The following GPM6A variants were observed in gnomAD, a reference collection of about 807,000 sequenced individuals.
GPM6A encodes the protein neuronal membrane glycoprotein M6-a.
GPM6A carries 7 observed loss-of-function variants against 32.1 expected under a neutral mutation model. That is an observed-to-expected ratio of 0.22 (90% CI 0.12 to 0.41). The LOEUF (loss-of-function observed/expected upper bound fraction) is 0.41. Among genes scored for constraint, GPM6A ranks in the 10% least tolerant of loss-of-function variants. The probability of loss-of-function intolerance (pLI) is 1.00; values close to 1 mark genes in which losing one functional copy is unlikely to be tolerated. For missense variants in GPM6A, 235 were observed against 347.2 expected (o/e 0.68, Z 2.57); for synonymous variants, 130 against 123.4 (o/e 1.05, Z -0.35).
intron 1 of GPM6A, among the ~76,000 whole-genome samples, chr4:175,928,735 T>C (rs569071278): frequency 6.6e-6 from 1 of 152,216 alleles, no homozygotes; most frequent in African/African-American, 2.4e-5. Flanking sequence ...GATTATAATA[T>C]GCAAAAGAGG....
chr4:175,989,881 A>C (rs897513230), intron 1 of GPM6A, among the ~76,000 whole-genome samples: 1 of 152,184 alleles, frequency 6.6e-6, no homozygotes, highest in Non-Finnish European at 1.5e-5. Flanking sequence ...TCTGTCATCT[A>C]TAAGAGTCAT....
chr4:175,960,537 G>A (rs1385089106), intron 1 of GPM6A, among the ~76,000 whole-genome samples: 2 of 152,098 alleles, frequency 1.3e-5, no homozygotes, highest in African/African-American at 4.8e-5. Flanking sequence ...AACCCATCAC[G>A]TAGGTATTAA....
intron 1 of GPM6A, among the ~76,000 whole-genome samples, chr4:175,916,241 C>T (rs1227737659): frequency 2.6e-5 from 4 of 152,134 alleles, no homozygotes; most frequent in African/African-American, 9.7e-5. Flanking sequence ...CAATATACAG[C>T]GGAGAGCTTG....
At position 175,659,700 on chromosome 4, in the gene GPM6A, T is replaced by G. The variant is rs150469636; in HGVS notation, c.388-7713A>C. 5.8e-4 allele frequency among the ~76,000 whole-genome samples: 89 copies of G among 152,294 alleles called. No homozygotes were observed. The East Asian group carries it at 0.013, about 23-fold the overall frequency. On this transcript the variant is annotated intron_variant, in intron 3 of 6. Transcript: ENST00000393658. ...GAGTTATTTTATTACCAGTTAAAATTAATAGAAATCAGAGCATGAGCTCTT... is the reference window on the plus strand; with the variant it reads ...GAGTTATTTTATTACCAGTTAAAATGAATAGAAATCAGAGCATGAGCTCTT...
At chr4:175,643,371 C>G (rs1741266629) in intron 4 of GPM6A, among the ~76,000 whole-genome samples, 1 of 152,156 alleles carries the variant, frequency 6.6e-6, no homozygotes, top group Non-Finnish European at 1.5e-5. Flanking sequence ...CGTGGGAACT[C>G]ATAGACTTCA....
intron 1 of GPM6A, among the ~76,000 whole-genome samples, chr4:175,732,461 G>A (rs1367881469): frequency 6.6e-6 from 1 of 151,954 alleles, no homozygotes; most frequent in Non-Finnish European, 1.5e-5. Context: ...GAGTATGTGT[G>A]TATATGGATG....
intron 1 of GPM6A, among the ~76,000 whole-genome samples, chr4:175,753,038 T>C (rs1376286796): frequency 6.6e-6 from 1 of 152,180 alleles, no homozygotes; most frequent in Non-Finnish European, 1.5e-5. Flanking sequence ...ATTTCCCATA[T>C]GGGACACAGA....
intron 1 of GPM6A, among the ~76,000 whole-genome samples, chr4:175,841,249 T>C (rs543464982): frequency 6.6e-6 from 1 of 152,292 alleles, no homozygotes; most frequent in South Asian, 2.1e-4. Flanking sequence ...TAATTAACAG[T>C]AATTTGAGAG....
At chr4:175,925,541 G>A (rs183024905) in intron 1 of GPM6A, among the ~76,000 whole-genome samples, 5 of 152,200 alleles carry the variant, frequency 3.3e-5, no homozygotes, top group East Asian at 1.9e-4. Context: ...AAACTGAAAC[G>A]TGATATAATG....
rs192910324 is a variant in GPM6A at position 175,750,444 on chromosome 4, C to T, written c.38-48677G>A. ...TAGGGGCCCAGACTTTAATGTGTAC[C>T]GGAGCACTCTTAGATTGAAAAGTAG... On this transcript the variant is annotated intron_variant, in intron 1 of 6. Coordinates refer to ENST00000393658, the MANE Select transcript of GPM6A (RefSeq NM_201591.3). 1.7e-3 allele frequency among the ~76,000 whole-genome samples: 256 copies of T among 152,046 alleles called. 1 individual carries two copies. The highest frequency in any genetic ancestry group is 6.0e-3 in the African/African-American group (249 of 41,434).
intron 1 of GPM6A, among the ~76,000 whole-genome samples, chr4:176,001,670 C>A (rs1055957183): frequency 6.6e-6 from 1 of 152,158 alleles, no homozygotes; most frequent in African/African-American, 2.4e-5. Context: ...TTTAATCACG[C>A]TGTTTACCCA....
intron 1 of GPM6A, among the ~76,000 whole-genome samples, chr4:175,712,541 C>T (rs1052277246): frequency 1.3e-5 from 2 of 152,158 alleles, no homozygotes; most frequent in Admixed American, 6.5e-5. Context: ...TGTAACAATT[C>T]GAAGTTAGCT....
At chr4:175,999,692 T>G (rs1160983965) in intron 1 of GPM6A, among the ~76,000 whole-genome samples, 1 of 152,104 alleles carries the variant, frequency 6.6e-6, no homozygotes, top group Non-Finnish European at 1.5e-5. Flanking sequence ...CCCAGAACAC[T>G]ATCTTCCTTT....
chr4:175,862,525 C>T (rs1161480257), intron 1 of GPM6A, among the ~76,000 whole-genome samples: 3 of 152,102 alleles, frequency 2.0e-5, no homozygotes, highest in African/African-American at 7.2e-5. Context: ...TTTATTAATC[C>T]AATCTATTGC....
chr4:175,841,811 T>A (rs570453405), intron 1 of GPM6A, among the ~76,000 whole-genome samples: 6 of 152,290 alleles, frequency 3.9e-5, no homozygotes, highest in Admixed American at 3.3e-4. Context: ...AGATTTAACA[T>A]CTTTTCTACT....
chr4:175,847,499 CCACT>C (rs1308703859), intron 1 of GPM6A, among the ~76,000 whole-genome samples: 1 of 152,124 alleles, frequency 6.6e-6, no homozygotes, highest in Non-Finnish European at 1.5e-5. Context: ...ATGCTGCCCA[CCACT>C]CAGTCACTTA....
At chr4:175,635,970 C>G (rs1025800049) in intron 6 of GPM6A, among the ~76,000 whole-genome samples, 1 of 151,658 alleles carries the variant, frequency 6.6e-6, no homozygotes, top group African/African-American at 2.4e-5. Context: ...AAAGAGGAGG[C>G]GGGCTGGTTC....
At chr4:175,958,522 A>C (rs1248367295) in intron 1 of GPM6A, among the ~76,000 whole-genome samples, 1 of 152,252 alleles carries the variant, frequency 6.6e-6, no homozygotes, top group African/African-American at 2.4e-5. Flanking sequence ...ATAGGGTGAC[A>C]TGTAAAAATG....
chr4:175,932,626 T>A (rs915170017), intron 1 of GPM6A, among the ~76,000 whole-genome samples: 3 of 152,062 alleles, frequency 2.0e-5, no homozygotes, highest in African/African-American at 7.2e-5. Flanking sequence ...ACAAAAATAA[T>A]AGCAAAATAT....
Sources: gnomAD v4.1 joint callset for allele counts (sites outside exome capture counted in the v4.1 genomes callset) on GRCh38, gnomAD v4.1.1 for gene constraint, MANE v1.5 for transcripts, NCBI Gene and HGNC (gene_info 2026-07-23, HGNC 2026-07-21) for gene names.